LPCAT2: variants seen among roughly 807,000 people sequenced by gnomAD.
LPCAT2 encodes 1-AGP acyltransferase 11.
LPCAT2 carries 58 observed loss-of-function variants against 64.7 expected under a neutral mutation model. The observed-to-expected ratio is 0.90, with a 90% confidence interval of 0.73 to 1.12. LPCAT2 has a LOEUF of 1.12. Ranked by LOEUF, LPCAT2 falls within the 50% of genes most tolerant of loss-of-function variation. The pLI is 0.00. For synonymous variants in LPCAT2, 252 were observed against 245.3 expected, an observed-to-expected ratio of 1.03 and a Z score of -0.26; for missense variants, 579 against 669.8, an observed-to-expected ratio of 0.86 and a Z score of 1.50.
chr16:55,558,585 C>T (rs1375841349), intron 11 of LPCAT2, among the ~76,000 whole-genome samples: 2 of 152,186 alleles, frequency 1.3e-5, no homozygotes, highest in African/African-American at 4.8e-5. Flanking sequence ...AACACTGTCA[C>T]CATACTCAAT....
chr16:55,522,148 G>A (rs973770903), intron 1 of LPCAT2, among the ~76,000 whole-genome samples: 7 of 151,698 alleles, frequency 4.6e-5, no homozygotes, highest in Non-Finnish European at 8.9e-5. Flanking sequence ...ACTTGGCCAG[G>A]TCATAGGATA....
At chr16:55,579,290 T>C in intron 13 of LPCAT2, 46 bp downstream of exon 13, 1 of 1,590,804 alleles carries the variant, frequency 6.3e-7, no homozygotes, top group Non-Finnish European at 8.6e-7. Flanking sequence ...AAGGAGGACA[T>C]CCAGACTATG....
rs935094579 is a variant in LPCAT2, at chr16:55,585,658, C to T, written c.*2560C>T. 1 of 152,194 alleles carries T rather than the reference C, an allele frequency of 6.6e-6. No individual in the cohort carries two copies. The highest frequency in any genetic ancestry group is 1.5e-5 in the Non-Finnish European group (1 of 68,032). The allele number at this position is 152,194 out of a possible 1,614,324, so 9.4% of individuals were successfully genotyped here. On this transcript the variant is annotated 3_prime_UTR_variant, in exon 14 of 14. Transcript: ENST00000262134. ...TTGAAGGATAATGACATACTGACTG[C>T]TTACAGACCAAGTTGCTTGCATTTT... is the stretch of plus-strand genomic sequence containing the variant.
chr16:55,537,340 G>A (rs894516795), intron 7 of LPCAT2, among the ~76,000 whole-genome samples: 8 of 151,472 alleles, frequency 5.3e-5, no homozygotes, highest in Non-Finnish European at 8.8e-5. Flanking sequence ...GCAGTGAGCC[G>A]TGATTATGCC....
chr16:55,545,054 A>G (rs1205022557), intron 8 of LPCAT2, among the ~76,000 whole-genome samples: 1 of 152,196 alleles, frequency 6.6e-6, no homozygotes, highest in African/African-American at 2.4e-5. Context: ...AAAATACGTA[A>G]TAACTTGAAT....
At chr16:55,515,122 A>C (rs1274137602) in intron 1 of LPCAT2, among the ~76,000 whole-genome samples, 1 of 152,188 alleles carries the variant, frequency 6.6e-6, no homozygotes, top group Non-Finnish European at 1.5e-5. Context: ...GGAAAGGAGA[A>C]AGATGCAGAA....
At chr16:55,580,515 T>C (rs888326780) in intron 13 of LPCAT2, among the ~76,000 whole-genome samples, 4 of 152,220 alleles carry the variant, frequency 2.6e-5, no homozygotes, top group Non-Finnish European at 5.9e-5. Context: ...TTCAACCTTT[T>C]TCTTTGCAGA....
intron 11 of LPCAT2, among the ~76,000 whole-genome samples, chr16:55,564,556 A>T (rs1199949321): frequency 6.6e-6 from 1 of 151,992 alleles, no homozygotes; most frequent in Non-Finnish European, 1.5e-5. Flanking sequence ...ATATGGTCAT[A>T]TGATTTTCAG....
At position 55,583,943 on chromosome 16, in the gene LPCAT2, A is replaced by C. The variant is rs1476761951; in HGVS notation, c.*845A>C. On this transcript the variant is annotated 3_prime_UTR_variant, in exon 14 of 14. Transcript: ENST00000262134. ...GGTGATCCACCCACCTCAGCCTCCCAAAGTGCTGGGATTACAGGTGTGAGC... is the reference window on the plus strand; with the variant it reads ...GGTGATCCACCCACCTCAGCCTCCCCAAGTGCTGGGATTACAGGTGTGAGC... 2 of 152,214 alleles carry C rather than the reference A, an allele frequency of 1.3e-5. No homozygotes were observed. Among genetic ancestry groups the C allele is most frequent in the African/African-American group, 2.4e-5 (1 of 41,454 alleles). The allele number at this position is 152,214 out of a possible 1,614,324, so 9.4% of individuals were successfully genotyped here. A position where few individuals can be genotyped will look rare whatever the true frequency, so the allele number is the denominator to read the frequency against.
intron 9 of LPCAT2, among the ~76,000 whole-genome samples, chr16:55,546,519 A>G (rs536481974): frequency 2.0e-5 from 3 of 152,314 alleles, no homozygotes; most frequent in Admixed American, 1.3e-4. Flanking sequence ...TAAAAATTCA[A>G]TGAGAACTCT....
intron 13 of LPCAT2, among the ~76,000 whole-genome samples, chr16:55,582,560 C>T (rs1160883835): frequency 1.3e-5 from 2 of 152,036 alleles, no homozygotes; most frequent in Non-Finnish European, 2.9e-5. Context: ...TTTATTTATG[C>T]ATTTCTACTG....
intron 8 of LPCAT2, among the ~76,000 whole-genome samples, chr16:55,543,271 T>A (rs1432031819): frequency 2.0e-5 from 3 of 152,182 alleles, no homozygotes; most frequent in African/African-American, 7.2e-5. Flanking sequence ...GTCACGCCAA[T>A]ATGAGAGTTA....
rs554634718 is a variant in LPCAT2, at chr16:55,522,794, A to G, written c.172-2714A>G. On this transcript the variant is annotated intron_variant, in intron 1 of 13. Transcript: ENST00000262134. ...TGAACCTTGATCCATACTGCATACC[A>G]CACAAAAAAAGTCATTTAAGATTGA... Among the ~76,000 whole-genome samples the G allele has an allele frequency of 4.6e-5, 7 of 151,870 alleles. No homozygotes were observed. In the South Asian group the frequency reaches 8.3e-4, roughly 18 times the overall value.
In LPCAT2 at chr16:55,537,634, T is replaced by C. The variant is rs1963340904; in HGVS notation, c.852+2T>C. 2 of 1,613,154 alleles carry C rather than the reference T, an allele frequency of 1.2e-6. No individual in the cohort carries two copies. The highest frequency in any genetic ancestry group is 2.7e-5 in the African/African-American group (2 of 74,884). On this transcript the variant is annotated splice_donor_variant, in intron 8 of 13. Transcript: ENST00000262134. LOFTEE classifies it high-confidence loss of function. ...CTCTTCACAAAGGTAGAAGTTGAGGTAAGTCATTCAAAATGTGGCCTTGGA... is the reference window on the plus strand; with the variant it reads ...CTCTTCACAAAGGTAGAAGTTGAGGCAAGTCATTCAAAATGTGGCCTTGGA...
At chr16:55,540,610 C>T (rs1328179006) in intron 8 of LPCAT2, 1 of 152,650 alleles carries the variant, frequency 6.6e-6, no homozygotes, top group Admixed American at 6.6e-5. Context: ...CAGTCAGTTT[C>T]CTTCATAGGC....
chr16:55,537,382 C>A (rs1205651435), intron 7 of LPCAT2, among the ~76,000 whole-genome samples, 196 bp from the exon 8 acceptor site: 1 of 146,664 alleles, frequency 6.8e-6, no homozygotes, highest in Non-Finnish European at 1.5e-5. Context: ...CGGAGTAAGA[C>A]CCTGTCCCCA....
chr16:55,536,886 G>A (rs1439513341), intron 7 of LPCAT2, among the ~76,000 whole-genome samples: 1 of 152,116 alleles, frequency 6.6e-6, no homozygotes, highest in East Asian at 1.9e-4. Context: ...GCATTTGCCT[G>A]CCTTTACAAT....
Position 55,513,517 on chromosome 16 carries a change from CAA to C in LPCAT2, c.171+4176_171+4177del, listed in dbSNP as rs58589198. On this transcript the variant is annotated intron_variant, in intron 1 of 13. Transcript: ENST00000262134. ...ATCTTCTCTATAAAAGCAATGAAAACAAAAAAAAAAAATCAGAATCAACTTTG... is the reference window on the plus strand; with the variant it reads ...ATCTTCTCTATAAAAGCAATGAAAACAAAAAAAAAATCAGAATCAACTTTG... Among the ~76,000 whole-genome samples the C allele has an allele frequency of 5.3e-3, 785 of 147,272 alleles. 3 individuals carry two copies. Among genetic ancestry groups the C allele is most frequent in the Non-Finnish European group, 7.5e-3 (499 of 66,720 alleles).
intron 1 of LPCAT2, among the ~76,000 whole-genome samples, chr16:55,524,402 A>G (rs1244686938): frequency 6.6e-6 from 1 of 151,980 alleles, no homozygotes; most frequent in African/African-American, 2.4e-5. Flanking sequence ...GCCTAAGAAC[A>G]TAGGGTTTGA....
Sources: allele counts gnomAD v4.1 joint callset (sites outside exome capture counted in the v4.1 genomes callset), GRCh38; gene constraint gnomAD v4.1.1; transcripts MANE v1.5; gene names NCBI Gene and HGNC (gene_info 2026-07-23, HGNC 2026-07-21).